The following MGST2 variants were observed in gnomAD, a reference collection of about 807,000 sequenced individuals.
MGST2 encodes the protein glutathione peroxidase MGST2.
Under a neutral mutation model 16.6 loss-of-function variants are expected in MGST2, and 9 were observed. That is an observed-to-expected ratio of 0.54 (90% confidence interval 0.33 to 0.95). The LOEUF (loss-of-function observed/expected upper bound fraction) is 0.95. MGST2 is among the 40% of genes least tolerant of loss of function. The probability of loss-of-function intolerance (pLI) is 0.03; values close to 1 mark genes in which losing one functional copy is unlikely to be tolerated. For synonymous variants in MGST2, 79 were observed against 68.0 expected (o/e 1.16, Z -0.79); for missense variants, 159 against 175.1 (o/e 0.91, Z 0.52).
intron 2 of MGST2, among the ~76,000 whole-genome samples, chr4:139,687,441 C>T (rs1055669311): frequency 3.3e-5 from 5 of 152,202 alleles, no homozygotes; most frequent in African/African-American, 1.2e-4. Flanking sequence ...CCTGGGATAA[C>T]CAGTTCAGTC....
At chr4:139,694,633 T>C (rs573099783) in intron 2 of MGST2, among the ~76,000 whole-genome samples, 2 of 152,308 alleles carry the variant, frequency 1.3e-5, no homozygotes, top group African/African-American at 4.8e-5. Flanking sequence ...TGACTTGACA[T>C]TAGGACAGAG....
Position 139,702,284 on chromosome 4 carries a change from C to G in MGST2, c.230-1171C>G, listed in dbSNP as rs78360262. On this transcript the variant is annotated intron_variant, in intron 3 of 4. Coordinates refer to ENST00000265498, the MANE Select transcript of MGST2 (RefSeq NM_002413.5). ...ACACCTGTGTGGTCCAGATCTCTAT[C>G]AAGATCTAGAACATGACAACCACCC... Among the ~76,000 whole-genome samples the G allele has an allele frequency of 8.7e-3, 1,320 of 152,274 alleles. 28 individuals are homozygous for G. Among genetic ancestry groups the G allele is most frequent in the East Asian group, 0.058 (302 of 5,180 alleles).
At chr4:139,748,436 C>T in the MGST2 span, among the ~76,000 whole-genome samples, 1 of 152,188 alleles carries the variant, frequency 6.6e-6, no homozygotes, top group African/African-American at 2.4e-5. Flanking sequence ...TGAGAACCAA[C>T]TGGAGAAAGG....
chr4:139,709,175 C>T (rs1727645639), downstream of MGST2, among the ~76,000 whole-genome samples: 1 of 149,266 alleles, frequency 6.7e-6, no homozygotes, highest in South Asian at 2.1e-4. Flanking sequence ...CTCTGCCTCC[C>T]AGGTTCACAC....
rs1267154820 is a variant in MGST2 at position 139,715,490 on chromosome 4, G to T, written c.*48+11294G>T. The stretch of plus-strand genomic sequence containing the variant: ...GAGAGGGTTCTTGGCTCTTGCGCAA[G>T]AAAGAATTCAGGGTGAGTCTGCAGT... On this transcript the variant is annotated intron_variant, in intron 5 of 5. Transcript: ENST00000616265. The surrounding 1 kb of genome is among the most constrained non-coding windows in gnomAD (Gnocchi z 4.4). 6.6e-6 allele frequency among the ~76,000 whole-genome samples: 1 copy of T among 152,154 alleles called. No homozygotes were observed. Among genetic ancestry groups the T allele is most frequent in the Non-Finnish European group, 1.5e-5 (1 of 68,030 alleles).
In MGST2 at chr4:139,727,981, C is replaced by T. The variant is rs1167586342; in HGVS notation, c.*49-12231C>T. ...CTGTAACCCCAGCACTTTGGGAGGC[C>T]GAGGCAGGCAGATTGCTTGAGCCCA... On this transcript the variant is annotated intron_variant, in intron 5 of 5. Coordinates refer to the MGST2 transcript ENST00000616265. Among the ~76,000 whole-genome samples the T allele has an allele frequency of 5.9e-5, 9 of 152,208 alleles. No individual in the cohort carries two copies. In the South Asian group the frequency reaches 6.2e-4, roughly 11 times the overall value.
chr4:139,669,532 C>T (rs1451175130), intron 1 of MGST2, among the ~76,000 whole-genome samples: 1 of 152,198 alleles, frequency 6.6e-6, no homozygotes, highest in Non-Finnish European at 1.5e-5. Flanking sequence ...TAGTTCCTGG[C>T]CCCATGTAGG....
At chr4:139,736,303 G>T (rs1379242226) in intron 5 of MGST2, among the ~76,000 whole-genome samples, 3 of 152,196 alleles carry the variant, frequency 2.0e-5, no homozygotes, top group African/African-American at 7.2e-5. Flanking sequence ...AGTTTTATTA[G>T]TAAGTTTGAG....
downstream of MGST2, among the ~76,000 whole-genome samples, chr4:139,741,328 AC>A (rs1729159163): frequency 6.6e-6 from 1 of 152,090 alleles, no homozygotes; most frequent in African/African-American, 2.4e-5. Flanking sequence ...AGACCACCTG[AC>A]CCTGGGCCTT....
At chr4:139,725,860 G>A in intron 5 of MGST2, 1 of 1,597,456 alleles carries the variant, frequency 6.3e-7, no homozygotes, top group South Asian at 1.1e-5. Context: ...CACAAGAGGG[G>A]TGGAGAGGTG....
chr4:139,737,927 T>C (rs1413939383), intron 5 of MGST2, among the ~76,000 whole-genome samples: 1 of 152,198 alleles, frequency 6.6e-6, no homozygotes, highest in Non-Finnish European at 1.5e-5. Context: ...CCAAGATGAT[T>C]GAGTTTGAGG....
At chr4:139,699,293 TTC>T (rs1262198167) in intron 3 of MGST2, among the ~76,000 whole-genome samples, 3 of 152,252 alleles carry the variant, frequency 2.0e-5, no homozygotes, top group Non-Finnish European at 2.9e-5. Flanking sequence ...TTGTTTACAT[TTC>T]TCTCAACTAC....
At chr4:139,749,550 A>AG in the MGST2 span, among the ~76,000 whole-genome samples, 4 of 152,142 alleles carry the variant, frequency 2.6e-5, no homozygotes, top group Admixed American at 6.5e-5. Flanking sequence ...GTAACTGTCA[A>AG]GGGGGTGGGG....
chr4:139,689,919 A>C (rs1355368069), intron 2 of MGST2, among the ~76,000 whole-genome samples: 1 of 152,222 alleles, frequency 6.6e-6, no homozygotes, highest in South Asian at 2.1e-4. Context: ...GAATACACTA[A>C]GTAATCCACT....
chr4:139,678,237 T>G (rs1731060789), intron 1 of MGST2, among the ~76,000 whole-genome samples: 1 of 152,226 alleles, frequency 6.6e-6, no homozygotes, highest in South Asian at 2.1e-4. Flanking sequence ...ACAATTTTGT[T>G]TCTCTTAGGG....
chr4:139,684,336 A>G (rs8192073), intron 2 of MGST2, among the ~76,000 whole-genome samples: 11,447 of 152,244 alleles, frequency 0.075, 709 homozygotes, highest in Admixed American at 0.19. Context: ...AACACGTGGG[A>G]ATTCAAGATG....
intron 5 of MGST2, among the ~76,000 whole-genome samples, chr4:139,722,216 C>T (rs1397116622): frequency 6.6e-6 from 1 of 152,150 alleles, no homozygotes; most frequent in East Asian, 1.9e-4. Context: ...TAATCCAAGC[C>T]AACCTTTATT....
intron 5 of MGST2, chr4:139,719,261 T>C: frequency 6.6e-7 from 1 of 1,505,588 alleles, no homozygotes; most frequent in Non-Finnish European, 8.9e-7. Context: ...GTCAACATCC[T>C]GTTTCTTTTT....
At chr4:139,719,404 T>G in intron 5 of MGST2, 3 of 1,614,034 alleles carry the variant, frequency 1.9e-6, no homozygotes, top group Non-Finnish European at 2.5e-6. Context: ...CCACAAGGTC[T>G]GCACCGTCCG....
Sources: gnomAD v4.1 joint callset for allele counts (sites outside exome capture counted in the v4.1 genomes callset) on GRCh38, gnomAD v4.1.1 for gene constraint, Gnocchi (gnomAD v3.1) non-coding constraint, MANE v1.5 for transcripts, NCBI Gene and HGNC (gene_info 2026-07-23, HGNC 2026-07-21) for gene names.